Variants in INPP5D observed in about 807,000 individuals in gnomAD.
INPP5D encodes phosphatidylinositol 3,4,5-trisphosphate 5-phosphatase 1.
A neutral mutation model predicts 122.9 loss-of-function variants in INPP5D; 33 were observed. That is an observed-to-expected ratio of 0.27 (90% CI 0.20 to 0.36). The LOEUF (loss-of-function observed/expected upper bound fraction) is 0.36, where lower values mean the gene tolerates loss of function less well. Ranked by LOEUF, INPP5D falls within the 10% of genes least tolerant of loss-of-function variation. The pLI, the probability that INPP5D is intolerant of heterozygous loss-of-function variation, is 1.00. For missense variants in INPP5D, 1,053 were observed against 1,412.7 expected (o/e 0.75, Z 4.08); for synonymous variants, 584 against 576.2 (o/e 1.01, Z -0.19).
rs1289284175 is a variant in INPP5D at position 233,128,954 on chromosome 2, T to G, written c.525-1554T>G. 1.3e-5 allele frequency among the ~76,000 whole-genome samples: 2 copies of G among 152,128 alleles called. No individual in the cohort carries two copies. Among genetic ancestry groups the G allele is most frequent in the African/African-American group, 4.8e-5 (2 of 41,434 alleles). ...CCAGCACTTTGGGAGCCTGAGGCAG[T>G]GGATCACCTGAGGTCAGCCTGGCCA... On this transcript the variant is annotated intron_variant, in intron 4 of 26. Coordinates refer to ENST00000445964, the MANE Select transcript of INPP5D (RefSeq NM_001017915.3). The surrounding 1 kb of genome is among the most constrained non-coding windows in gnomAD (Gnocchi z 4.5).
At chr2:233,106,553 C>A (rs1029628463) in intron 2 of INPP5D, among the ~76,000 whole-genome samples, 23 of 152,244 alleles carry the variant, frequency 1.5e-4, no homozygotes, top group Non-Finnish European at 3.1e-4. Flanking sequence ...CAAGGTGCTA[C>A]AAGGACGTGG....
At position 233,170,905 on chromosome 2, in the gene INPP5D, CAAA is replaced by C. The variant is rs546215336; in HGVS notation, c.1901-142_1901-140del. Among the ~76,000 whole-genome samples the C allele has an allele frequency of 3.6e-4, 39 of 109,638 alleles. No individual in the cohort carries two copies. Among genetic ancestry groups the C allele is most frequent in the Admixed American group, 7.8e-4 (8 of 10,212 alleles). 71.9% of individuals were successfully genotyped at this position (109,638 alleles called of 152,430 possible). A position where few individuals can be genotyped will look rare whatever the true frequency, so the allele number is the denominator to read the frequency against. The stretch of plus-strand genomic sequence containing the variant: ...TGGCCAACAAAGACAGACTCCGTCT[CAAA>C]AAAAAAAAAAAAAAAAGCAGCAGCC... On this transcript the variant is annotated intron_variant, in intron 16 of 26. Coordinates refer to ENST00000445964, the MANE Select transcript of INPP5D (RefSeq NM_001017915.3). The surrounding 1 kb of genome is among the most constrained non-coding windows in gnomAD (Gnocchi z 4.5).
At chr2:233,175,638 T>TA (rs1320486210) in intron 17 of INPP5D, among the ~76,000 whole-genome samples, 1 of 152,040 alleles carries the variant, frequency 6.6e-6, no homozygotes, top group Admixed American at 6.6e-5. Flanking sequence ...AAGTTTTTTT[T>TA]AAAAAGTGAA....
intron 1 of INPP5D, among the ~76,000 whole-genome samples, chr2:233,075,263 G>T (rs921788594): frequency 2.6e-5 from 4 of 152,162 alleles, no homozygotes; most frequent in Non-Finnish European, 5.9e-5. Flanking sequence ...TCTCCAATGG[G>T]AATAATCCTG....
chr2:233,139,534 G>A (rs1693590188), intron 5 of INPP5D, among the ~76,000 whole-genome samples: 1 of 151,580 alleles, frequency 6.6e-6, no homozygotes, highest in Non-Finnish European at 1.5e-5. Context: ...TGGGAACCAT[G>A]GATAACTAAG....
At position 233,129,366 on chromosome 2, in the gene INPP5D, A is replaced by G. The variant is rs141639472; in HGVS notation, c.525-1142A>G. 7.9e-3 allele frequency among the ~76,000 whole-genome samples: 1,196 copies of G among 152,356 alleles called. 17 individuals carry two copies. Among genetic ancestry groups the G allele is most frequent in the African/African-American group, 0.027 (1,125 of 41,586 alleles). ...GCATAGTGTCTGGTATGCTGTGCTCAGGAAATACTTGCTGTAATTACAATT... is the reference window on the plus strand; with the variant it reads ...GCATAGTGTCTGGTATGCTGTGCTCGGGAAATACTTGCTGTAATTACAATT... On this transcript the variant is annotated intron_variant, in intron 4 of 26. Transcript: ENST00000445964.
chr2:233,155,264 C>T (rs144572050), intron 9 of INPP5D, among the ~76,000 whole-genome samples: 93,361 of 151,970 alleles, frequency 0.61, 30,082 homozygotes, highest in East Asian at 0.98. Flanking sequence ...AGAAAAGCTC[C>T]GAAAAGGCAA....
intron 2 of INPP5D, among the ~76,000 whole-genome samples, chr2:233,088,622 G>C (rs1230381756): frequency 6.6e-6 from 1 of 152,198 alleles, no homozygotes; most frequent in African/African-American, 2.4e-5. Context: ...AAAAGAGATG[G>C]TTTATGTAAA....
chr2:233,198,491 C>T, intron 25 of INPP5D, 115 bp downstream of exon 25: 1 of 1,436,508 alleles, frequency 7.0e-7, no homozygotes, highest in South Asian at 1.5e-5. Flanking sequence ...GTCCACTTGG[C>T]TCATGACTTA....
At chr2:233,185,949 C>G in intron 21 of INPP5D, 24 bp downstream of exon 21, 2 of 1,568,100 alleles carry the variant, frequency 1.3e-6, no homozygotes, top group Non-Finnish European at 1.7e-6. Flanking sequence ...AAGGCATTCC[C>G]CAGAGGGAGA....
At chr2:233,144,661 ATGGTGG>A (rs1239952333) in intron 6 of INPP5D, among the ~76,000 whole-genome samples, 1 of 82,848 alleles carries the variant, frequency 1.2e-5, no homozygotes, top group Admixed American at 1.2e-4. Flanking sequence ...TGGGGTAGAG[ATGGTGG>A]TGGTGATGGT....
intron 2 of INPP5D, among the ~76,000 whole-genome samples, chr2:233,117,737 G>A (rs967990820): frequency 2.0e-5 from 3 of 152,194 alleles, no homozygotes; most frequent in Non-Finnish European, 2.9e-5. Context: ...TCGTGCACAT[G>A]AAAAACGCAC....
At chr2:233,193,197 G>A (rs993233721) in intron 22 of INPP5D, among the ~76,000 whole-genome samples, 1 of 152,242 alleles carries the variant, frequency 6.6e-6, no homozygotes. Context: ...TGCATTGGGT[G>A]TTATTTTTCT....
At chr2:233,133,901 C>CTGA (rs1353397589) in intron 5 of INPP5D, 1 of 447,964 alleles carries the variant, frequency 2.2e-6, no homozygotes, top group Non-Finnish European at 4.5e-6. Flanking sequence ...TTGCTTCCTG[C>CTGA]TGAGTCCCCG....
chr2:233,175,879 G>A (rs1340753757), intron 17 of INPP5D, among the ~76,000 whole-genome samples: 5 of 151,804 alleles, frequency 3.3e-5, no homozygotes, highest in Middle Eastern at 3.4e-3. Flanking sequence ...ATGGGGTTTC[G>A]CCATGTTGGT....
intron 25 of INPP5D, among the ~76,000 whole-genome samples, chr2:233,202,833 C>G (rs149123855): frequency 2.6e-5 from 4 of 152,322 alleles, no homozygotes; most frequent in African/African-American, 9.6e-5. Context: ...CAAGCAAAGG[C>G]AGCACTTGCC....
In INPP5D at chr2:233,164,127, T is replaced by C. The variant is rs72970196; in HGVS notation, c.1438-180T>C. On this transcript the variant is annotated intron_variant, in intron 12 of 26. Coordinates refer to ENST00000445964, the MANE Select transcript of INPP5D (RefSeq NM_001017915.3). The surrounding 1 kb of genome is among the most constrained non-coding windows in gnomAD (Gnocchi z 4.3). ...CTTCCCACCCTTGGTCAGCCCCGGT[T>C]CTCATCTTTAGGATGTTTTGTCTCG... Among the ~76,000 whole-genome samples the C allele has an allele frequency of 0.029, 4,370 of 152,258 alleles. 77 individuals are homozygous for C. Among genetic ancestry groups the C allele is most frequent in the African/African-American group, 0.039 (1,624 of 41,544 alleles).
intron 2 of INPP5D, among the ~76,000 whole-genome samples, chr2:233,104,980 A>G (rs1692426719): frequency 6.6e-6 from 1 of 152,016 alleles, no homozygotes; most frequent in African/African-American, 2.4e-5. Flanking sequence ...TATAAATTGC[A>G]CCTCCAAATT....
rs543898643 is a variant in INPP5D, at chr2:233,060,386, C to G, written c.-93C>G. ...GCCGAGGCCACCAAGAGGCAACGGGCGGCAGGTTGCAGTGGAGGGGCCTCC... is the reference window on the plus strand; with the variant it reads ...GCCGAGGCCACCAAGAGGCAACGGGGGGCAGGTTGCAGTGGAGGGGCCTCC... On this transcript the variant is annotated 5_prime_UTR_variant, in exon 1 of 27. Transcript: ENST00000445964. The G allele has an allele frequency of 2.8e-6, 4 of 1,405,116 alleles. No homozygotes were observed. The highest frequency in any genetic ancestry group is 3.8e-6 in the Non-Finnish European group (4 of 1,048,226). 87.0% of individuals were successfully genotyped at this position (1,405,116 alleles called of 1,614,324 possible).
Sources: gnomAD v4.1 joint callset for allele counts (sites outside exome capture counted in the v4.1 genomes callset) on GRCh38, gnomAD v4.1.1 for gene constraint, Gnocchi (gnomAD v3.1) non-coding constraint, MANE v1.5 for transcripts, NCBI Gene and HGNC (gene_info 2026-07-23, HGNC 2026-07-21) for gene names.